The following NDUFC2 variants were observed in gnomAD, a reference collection of about 807,000 sequenced individuals.
NDUFC2 encodes the protein NADH dehydrogenase [ubiquinone] 1 subunit C2.
Under a neutral mutation model 10.1 loss-of-function variants are expected in NDUFC2, and 2 were observed. The observed-to-expected ratio is 0.20, with a 90% CI of 0.08 to 0.62. NDUFC2 has a LOEUF of 0.62. Among genes scored for constraint, NDUFC2 ranks in the 20% least tolerant of loss-of-function variants. The pLI is 0.87. For missense variants in NDUFC2, 156 were observed against 159.6 expected (o/e 0.98, Z 0.12); for synonymous variants, 61 against 63.6 (o/e 0.96, Z 0.20).
chr11:78,070,097 C>A, intron 2 of NDUFC2, 61 bp from the exon 3 acceptor site: 1 of 1,252,972 alleles, frequency 8.0e-7, no homozygotes, highest in East Asian at 2.5e-5. Flanking sequence ...ATTGTATTTC[C>A]TAAACGAAAA....
rs144282268 is a variant in NDUFC2 at position 78,070,536 on chromosome 11, A to C, written c.311-500T>G. Among the ~76,000 whole-genome samples, 1,496 of 152,324 alleles carry C rather than the reference A, an allele frequency of 9.8e-3. 15 individuals are homozygous for C. The highest frequency in any genetic ancestry group is 0.016 in the Non-Finnish European group (1,102 of 68,026). ...AAGGCATTTTGTTATAGTAGGCCAA[A>C]CGGACTAAGACAAACCCCTAAGAAT... On this transcript the variant is annotated intron_variant, in intron 2 of 2. Coordinates refer to ENST00000281031, the MANE Select transcript of NDUFC2 (RefSeq NM_004549.6).
Position 78,079,809 on chromosome 11 carries a change from C to A in NDUFC2, c.-65G>T. The stretch of plus-strand genomic sequence containing the variant: ...GAACTACAAGGAAAACCACGACGAC[C>A]ACTACCCCGGCCTAAGCGGTCAGCT... On this transcript the variant is annotated 5_prime_UTR_variant, in exon 1 of 3. Coordinates refer to ENST00000281031, the MANE Select transcript of NDUFC2 (RefSeq NM_004549.6). 1 of 1,536,844 alleles carries A rather than the reference C, an allele frequency of 6.5e-7. No homozygotes were observed. Among genetic ancestry groups the A allele is most frequent in the Non-Finnish European group, 8.7e-7 (1 of 1,145,902 alleles).
Position 78,073,013 on chromosome 11 carries a change from C to T in NDUFC2, c.295G>A (p.Asp99Asn), listed in dbSNP as rs371664886. 1.7e-5 allele frequency: 28 copies of T among 1,611,944 alleles called. No individual in the cohort carries two copies. The highest frequency in any genetic ancestry group is 2.4e-5 in the Non-Finnish European group (28 of 1,179,660). ...MFGYMKLHPE[D>N]FPEEDKKTYG... ...CTTGAAATACCTTCTTCAGGAAAATCCTCTGGATGTAATTTCATATATCCA... is the reference window on the plus strand; with the variant it reads ...CTTGAAATACCTTCTTCAGGAAAATTCTCTGGATGTAATTTCATATATCCA... Residue 99 changes from aspartate (D) to asparagine (N), a missense_variant, in exon 2 of 3, where the codon GAT becomes AAT. Asp to Asn is a conservative substitution (Grantham distance 23, BLOSUM62 1). Coordinates refer to ENST00000281031, the MANE Select transcript of NDUFC2 (RefSeq NM_004549.6).
intron 2 of NDUFC2, among the ~76,000 whole-genome samples, chr11:78,071,894 T>C (rs886280612): frequency 6.6e-6 from 1 of 152,124 alleles, no homozygotes; most frequent in African/African-American, 2.4e-5. Flanking sequence ...ACCAGGCAAA[T>C]GATGAGTGAT....
In NDUFC2 at chr11:78,079,822, T is replaced by A. The variant is rs1242503886; in HGVS notation, c.-78A>T. ...AACCACGACGACCACTACCCCGGCC[T>A]AAGCGGTCAGCTTTCTCCTCCTCCT... is the stretch of plus-strand genomic sequence containing the variant. On this transcript the variant is annotated 5_prime_UTR_variant, in exon 1 of 3. Transcript: ENST00000281031. 3 of 1,493,854 alleles carry A rather than the reference T, an allele frequency of 2.0e-6. No individual in the cohort carries two copies. The highest frequency in any genetic ancestry group is 2.7e-6 in the Non-Finnish European group (3 of 1,121,550). 92.5% of individuals were successfully genotyped at this position (1,493,854 alleles called of 1,614,324 possible). A position where few individuals can be genotyped will look rare whatever the true frequency, so the allele number is the denominator to read the frequency against.
In NDUFC2 at chr11:78,073,067, G is replaced by C. The variant is rs1384153663; in HGVS notation, c.241C>G (p.Leu81Val). 2 of 1,613,954 alleles carry C rather than the reference G, an allele frequency of 1.2e-6. No homozygotes were observed. The highest frequency in any genetic ancestry group is 1.7e-6 in the Non-Finnish European group (2 of 1,180,022). ...ATTTCACGGTCCCTCACAGCATACA[G>C]GTAGTCTTCACGTTTTACAAGATAA... ...GYYLVKREDY[L>V]YAVRDREMFG... Residue 81 changes from leucine to valine, a missense_variant, in exon 2 of 3, where the codon CTG (leucine) becomes GTG (valine). Physicochemically the swap from Leu to Val is conservative, Grantham distance 32 (BLOSUM62 1). Transcript: ENST00000281031.
chr11:78,077,322 A>G (rs1859293603), intron 1 of NDUFC2, among the ~76,000 whole-genome samples: 1 of 152,134 alleles, frequency 6.6e-6, no homozygotes, highest in Non-Finnish European at 1.5e-5. Flanking sequence ...GTAAATGAAC[A>G]ATTTACAAAT....
chr11:78,068,909 A>C lies in NDUFC2; in HGVS notation c.*1078T>G, dbSNP rs368742144. ...TTTTTTTGACGGGGTCTCCTTTGTCACCCAGGCTGGAGTGTCACCCAGGCT... is the reference window on the plus strand; with the variant it reads ...TTTTTTTGACGGGGTCTCCTTTGTCCCCCAGGCTGGAGTGTCACCCAGGCT... On this transcript the variant is annotated 3_prime_UTR_variant, in exon 3 of 3. Transcript: ENST00000281031. The C allele has an allele frequency of 3.0e-4, 45 of 151,966 alleles. No individual in the cohort carries two copies. In the East Asian group the frequency reaches 3.9e-3, roughly 13 times the overall value. The allele number at this position is 151,966 out of a possible 1,614,324, so 9.4% of individuals were successfully genotyped here.
Position 78,069,992 on chromosome 11 carries a change from G to C in NDUFC2, c.355C>G (p.Arg119Gly), listed in dbSNP as rs778952861. Reference sequence around the variant, plus strand: ...GAGCAAGCATTTTGAAGACTTCAACGTATTGGATGGAATTTTTCAAAAATT... The same window carrying C: ...GAGCAAGCATTTTGAAGACTTCAACCTATTGGATGGAATTTTTCAAAAATT... The part of the protein sequence containing the change: ...GEIFEKFHPI[R>G] Residue 119 changes from arginine to glycine, a missense_variant, in exon 3 of 3, where the codon CGT becomes GGT. Physicochemically the swap from Arg to Gly is moderately radical, Grantham distance 125. Coordinates refer to ENST00000281031, the MANE Select transcript of NDUFC2 (RefSeq NM_004549.6). The C allele has an allele frequency of 1.9e-6, 3 of 1,608,668 alleles. No homozygotes were observed. In the South Asian group the frequency reaches 3.4e-5, roughly 18 times the overall value.
In NDUFC2 at chr11:78,068,833, C is replaced by CTGAT. The variant is rs1858863701; in HGVS notation, c.*1150_*1153dup. ...ATATACTTTATCTCCAAAACCTAAT[C>CTGAT]TGATTATAAATTCTAAGCTAGGAAA... On this transcript the variant is annotated 3_prime_UTR_variant, in exon 3 of 3. Coordinates refer to ENST00000281031, the MANE Select transcript of NDUFC2 (RefSeq NM_004549.6). 6.6e-6 allele frequency: 1 copy of CTGAT among 150,878 alleles called. No homozygotes were observed. Among genetic ancestry groups the CTGAT allele is most frequent in the African/African-American group, 2.4e-5 (1 of 41,100 alleles). The allele number at this position is 150,878 out of a possible 1,614,324, so 9.3% of individuals were successfully genotyped here. A position where few individuals can be genotyped will look rare whatever the true frequency, so the allele number is the denominator to read the frequency against.
chr11:78,075,334 A>C (rs1270208660), intron 1 of NDUFC2, among the ~76,000 whole-genome samples: 2 of 152,200 alleles, frequency 1.3e-5, no homozygotes, highest in Non-Finnish European at 2.9e-5. Flanking sequence ...TGTATAGTTC[A>C]AAATTGCTGA....
chr11:78,079,609 G>C lies in NDUFC2; in HGVS notation c.136C>G (p.Leu46Val), dbSNP rs8875. 339,261 of 1,561,654 alleles carry C rather than the reference G, an allele frequency of 0.22. 38,804 individuals carry two copies. Among genetic ancestry groups the C allele is most frequent in the Middle Eastern group, 0.26 (1,317 of 4,978 alleles). ...GTCGCGATCGGCCTCCGCCGGATTA[G>C]GTTATCAATCAGGCCGGAGCAGTAG... ...LGYCSGLIDNLIRRRPIATAG... is the reference protein window; with the variant it reads ...LGYCSGLIDNVIRRRPIATAG... The change falls in exon 1 of 3, where the codon CTA (leucine) becomes GTA (valine). Residue 46 changes from leucine to valine, a missense_variant. Physicochemically the swap from Leu to Val is conservative, Grantham distance 32. Coordinates refer to ENST00000281031, the MANE Select transcript of NDUFC2 (RefSeq NM_004549.6).
chr11:78,068,959 A>G lies in NDUFC2; in HGVS notation c.*1028T>C, dbSNP rs949969732. 1.3e-5 allele frequency: 2 copies of G among 152,130 alleles called. No homozygotes were observed. The highest frequency in any genetic ancestry group is 4.8e-5 in the African/African-American group (2 of 41,514). The allele number at this position is 152,130 out of a possible 1,614,324, so 9.4% of individuals were successfully genotyped here. On this transcript the variant is annotated 3_prime_UTR_variant, in exon 3 of 3. Transcript: ENST00000281031. The stretch of plus-strand genomic sequence containing the variant: ...TGCAGTGAACTGTGACACAACCACA[A>G]TTAATTGCATCCTCGAATTCCAGGG...
At chr11:78,076,034 C>T (rs1376413213) in intron 1 of NDUFC2, among the ~76,000 whole-genome samples, 1 of 152,178 alleles carries the variant, frequency 6.6e-6, no homozygotes, top group African/African-American at 2.4e-5. Flanking sequence ...AATCTTGTAC[C>T]ACAATTTGTC....
At chr11:78,070,111 ACACT>A (rs1218507904) in intron 2 of NDUFC2, 75 bp from the exon 3 acceptor site, 3 of 1,039,262 alleles carry the variant, frequency 2.9e-6, no homozygotes, top group Non-Finnish European at 1.4e-6. Flanking sequence ...ACGAAAATTA[ACACT>A]CACTAATCTT....
Position 78,069,546 on chromosome 11 carries a change from C to G in NDUFC2, c.*441G>C. 3.3e-6 allele frequency: 1 copy of G among 303,196 alleles called. No homozygotes were observed. The highest frequency in any genetic ancestry group is 2.2e-5 in the African/African-American group (1 of 45,750). The allele number at this position is 303,196 out of a possible 1,614,324, so 18.8% of individuals were successfully genotyped here. ...TCTGGCTCACTCTAAATTCACTTTG[C>G]ACTAGGACAGGGGCAGGCAAACCTT... On this transcript the variant is annotated 3_prime_UTR_variant, in exon 3 of 3. Coordinates refer to ENST00000281031, the MANE Select transcript of NDUFC2 (RefSeq NM_004549.6).
intron 2 of NDUFC2, 69 bp from the exon 3 acceptor site, chr11:78,070,105 A>C: frequency 9.3e-7 from 1 of 1,079,854 alleles, no homozygotes; most frequent in Admixed American, 2.2e-5. Context: ...TCCTAAACGA[A>C]AATTAACACT....
chr11:78,078,362 C>G lies in NDUFC2; in HGVS notation c.166+1217G>C, dbSNP rs548416656. 1.2e-4 allele frequency among the ~76,000 whole-genome samples: 18 copies of G among 152,322 alleles called. No homozygotes were observed. The South Asian group carries it at 3.7e-3, about 32-fold the overall frequency. Reference sequence around the variant, plus strand: ...TTTTATCTAAACCTGAACACTCACTCAATCATCAAACACCCTCCATTCAGA... The same window carrying G: ...TTTTATCTAAACCTGAACACTCACTGAATCATCAAACACCCTCCATTCAGA... On this transcript the variant is annotated intron_variant, in intron 1 of 2. Coordinates refer to ENST00000281031, the MANE Select transcript of NDUFC2 (RefSeq NM_004549.6).
chr11:78,079,480 A>T (rs1438565305), intron 1 of NDUFC2, 99 bp downstream of exon 1: 5 of 1,440,438 alleles, frequency 3.5e-6, no homozygotes, highest in South Asian at 1.4e-5. Context: ...GCAAAAAGGC[A>T]CGGAAAAGCA....
Sources: gnomAD v4.1 joint callset for allele counts (sites outside exome capture counted in the v4.1 genomes callset) on GRCh38, gnomAD v4.1.1 for gene constraint, MANE v1.5 for transcripts, NCBI Gene and HGNC (gene_info 2026-07-23, HGNC 2026-07-21) for gene names.